The following ZNF407 variants were observed in gnomAD, a reference collection of about 807,000 sequenced individuals.
The protein encoded by ZNF407 is zinc finger protein 407.
A neutral mutation model predicts 131.2 loss-of-function variants in ZNF407; 17 were observed. The ratio of observed to expected loss-of-function variants is 0.13; its 90% confidence interval spans 0.09 to 0.19. The LOEUF is 0.19. Ranked by LOEUF, ZNF407 falls within the 10% of genes least tolerant of loss-of-function variation. The pLI is 1.00. For synonymous variants in ZNF407, 1,156 were observed against 1,062.0 expected (o/e 1.09, Z -1.72); for missense variants, 2,681 against 2,830.6 (o/e 0.95, Z 1.20).
At chr18:74,957,735 A>T (rs190709751) in intron 8 of ZNF407, among the ~76,000 whole-genome samples, 45 of 152,276 alleles carry the variant, frequency 3.0e-4, no homozygotes, top group Non-Finnish European at 5.4e-4. Flanking sequence ...CGGGGATTTT[A>T]AAACTCTCTG....
intron 8 of ZNF407, among the ~76,000 whole-genome samples, chr18:75,041,457 TCA>T (rs1246139829): frequency 2.0e-5 from 3 of 151,602 alleles, no homozygotes; most frequent in Non-Finnish European, 4.4e-5. Context: ...ACTCTCTCTC[TCA>T]CACACACACA....
At chr18:74,927,377 G>A (rs1262223738) in intron 8 of ZNF407, among the ~76,000 whole-genome samples, 1 of 152,190 alleles carries the variant, frequency 6.6e-6, no homozygotes, top group East Asian at 1.9e-4. Flanking sequence ...AGAGCTTTAA[G>A]AGTTCAAATA....
At chr18:74,886,805 G>A (rs954569202) in intron 6 of ZNF407, among the ~76,000 whole-genome samples, 1 of 152,210 alleles carries the variant, frequency 6.6e-6, no homozygotes, top group Non-Finnish European at 1.5e-5. Context: ...TCATTGTCTT[G>A]ATGGTGGCAG....
intron 3 of ZNF407, among the ~76,000 whole-genome samples, chr18:74,694,451 T>C (rs964710937): frequency 2.6e-5 from 4 of 151,926 alleles, no homozygotes; most frequent in Non-Finnish European, 2.9e-5. Context: ...TTTTTCTTTT[T>C]CCTGGCTCCA....
chr18:74,829,332 A>T (rs1415018181), intron 4 of ZNF407, among the ~76,000 whole-genome samples: 1 of 152,208 alleles, frequency 6.6e-6, no homozygotes, highest in Non-Finnish European at 1.5e-5. Context: ...TAGTACTGTT[A>T]TGAACCTACG....
intron 1 of ZNF407, among the ~76,000 whole-genome samples, chr18:74,621,709 G>A (rs1233939427): frequency 1.3e-5 from 2 of 152,180 alleles, no homozygotes. Flanking sequence ...ACTATTTTCT[G>A]TCCCTTACAA....
chr18:74,903,392 A>G (rs190440306), intron 7 of ZNF407, among the ~76,000 whole-genome samples: 4 of 152,298 alleles, frequency 2.6e-5, no homozygotes, highest in Admixed American at 6.5e-5. Context: ...ATTTCAAGCC[A>G]AAGTTGTATG....
At chr18:74,773,096 A>G (rs1346646070) in intron 3 of ZNF407, among the ~76,000 whole-genome samples, 1 of 152,188 alleles carries the variant, frequency 6.6e-6, no homozygotes, top group Admixed American at 6.5e-5. Context: ...GGTGGAAATA[A>G]ATATTTTAGT....
intron 7 of ZNF407, among the ~76,000 whole-genome samples, chr18:74,900,402 G>T (rs912005554): frequency 6.6e-6 from 1 of 152,088 alleles, no homozygotes; most frequent in African/African-American, 2.4e-5. Context: ...AAACAGAAGC[G>T]ATGTCATGGT....
At chr18:74,775,259 T>C (rs1969445099) in intron 3 of ZNF407, among the ~76,000 whole-genome samples, 1 of 152,224 alleles carries the variant, frequency 6.6e-6, no homozygotes, top group Non-Finnish European at 1.5e-5. Context: ...CAGTATTATC[T>C]ATTCCACTCC....
chr18:74,853,074 C>T (rs1258623096), intron 4 of ZNF407, among the ~76,000 whole-genome samples: 1 of 151,884 alleles, frequency 6.6e-6, no homozygotes, highest in Non-Finnish European at 1.5e-5. Flanking sequence ...TTCGTTCTGG[C>T]TGAGAAGGTC....
intron 3 of ZNF407, among the ~76,000 whole-genome samples, chr18:74,742,761 T>C (rs879659917): frequency 1.3e-5 from 2 of 152,174 alleles, no homozygotes; most frequent in Admixed American, 6.5e-5. Flanking sequence ...TGATGCATCA[T>C]TCCTGTCATC....
chr18:74,728,152 A>G (rs1968204365), intron 3 of ZNF407, among the ~76,000 whole-genome samples: 1 of 152,212 alleles, frequency 6.6e-6, no homozygotes, highest in Non-Finnish European at 1.5e-5. Flanking sequence ...GGCTTGGATA[A>G]GAGTATAGCA....
intron 8 of ZNF407, among the ~76,000 whole-genome samples, chr18:75,017,015 T>C (rs1443145): frequency 0.9 from 136,370 of 152,106 alleles, 62,440 homozygotes; most frequent in East Asian, 1. Context: ...GAGTGTAAGC[T>C]GAAATATGTA....
rs182572023 is a variant in ZNF407 at position 74,718,207 on chromosome 18, C to A, written c.4803-63221C>A. On this transcript the variant is annotated intron_variant, in intron 3 of 8. Transcript: ENST00000299687. Reference sequence around the variant, plus strand: ...AAAGATTCCTGTGCTTTTTTGCAGCCCCCCCCCTCCCCTTCCTGGCTGCCA... The same window carrying A: ...AAAGATTCCTGTGCTTTTTTGCAGCACCCCCCCTCCCCTTCCTGGCTGCCA... 7.4e-4 allele frequency among the ~76,000 whole-genome samples: 111 copies of A among 149,542 alleles called. 1 individual carries two copies. The highest frequency in any genetic ancestry group is 7.1e-3 in the East Asian group (36 of 5,106).
chr18:74,963,773 A>G (rs1430327434), intron 8 of ZNF407, among the ~76,000 whole-genome samples: 2 of 152,216 alleles, frequency 1.3e-5, no homozygotes, highest in African/African-American at 4.8e-5. Context: ...CTTTAGAATA[A>G]TTCCATTTTG....
chr18:74,646,203 T>C (rs1242613084), intron 3 of ZNF407, among the ~76,000 whole-genome samples: 2 of 152,196 alleles, frequency 1.3e-5, no homozygotes, highest in Non-Finnish European at 2.9e-5. Context: ...TAAAGCTGTG[T>C]ATACCTAAAT....
rs189058361 is a variant in ZNF407, at chr18:74,699,450, T to C, written c.4802+58328T>C. Among the ~76,000 whole-genome samples the C allele has an allele frequency of 6.2e-4, 95 of 152,244 alleles. No homozygotes were observed. In the Middle Eastern group the frequency reaches 0.01, roughly 16 times the overall value. ...CGTATGGGAGCCCAGAGTAGCTATT[T>C]TGGAGAAGATAGTTGTAACCTGAGC... On this transcript the variant is annotated intron_variant, in intron 3 of 8. Transcript: ENST00000299687.
At chr18:74,799,691 T>C (rs1568221137) in intron 4 of ZNF407, among the ~76,000 whole-genome samples, 1 of 152,028 alleles carries the variant, frequency 6.6e-6, no homozygotes, top group Non-Finnish European at 1.5e-5. Context: ...ATTTATATTG[T>C]TTGGATTAGC....
Sources: gnomAD v4.1 joint callset for allele counts (sites outside exome capture counted in the v4.1 genomes callset) on GRCh38, gnomAD v4.1.1 for gene constraint, MANE v1.5 for transcripts, NCBI Gene and HGNC (gene_info 2026-07-23, HGNC 2026-07-21) for gene names.